PLEKHA5: variants seen among roughly 807,000 people sequenced by gnomAD.
The protein encoded by PLEKHA5 is pleckstrin homology domain containing A5.
PLEKHA5 carries 55 observed loss-of-function variants against 181.9 expected under a neutral mutation model. The observed-to-expected ratio is 0.30, with a 90% CI of 0.24 to 0.38. The LOEUF (loss-of-function observed/expected upper bound fraction) is 0.38. Among genes scored for constraint, PLEKHA5 ranks in the 10% least tolerant of loss-of-function variants. The pLI, the probability that PLEKHA5 is intolerant of heterozygous loss-of-function variation, is 1.00. For missense variants in PLEKHA5, 1,432 were observed against 1,549.5 expected, an observed-to-expected ratio of 0.92 and a Z score of 1.27; for synonymous variants, 535 against 529.4, an observed-to-expected ratio of 1.01 and a Z score of -0.15.
chr12:19,373,721 CAT>C (rs2095643851), intron 31 of PLEKHA5: 7 of 150,704 alleles, frequency 4.6e-5, no homozygotes, highest in Admixed American at 4.6e-4. Flanking sequence ...TAACACAAAA[CAT>C]AGGAAAAATA....
intron 10 of PLEKHA5, 90 bp from the exon 11 acceptor site, chr12:19,274,426 C>G (rs913641861): frequency 2.9e-5 from 25 of 874,054 alleles, no homozygotes; most frequent in Non-Finnish European, 4.0e-5. Flanking sequence ...CCCCCACCCC[C>G]GTAAAGTATA....
At chr12:19,131,894 A>G (rs2033993327) in intron 2 of PLEKHA5, among the ~76,000 whole-genome samples, 1 of 152,236 alleles carries the variant, frequency 6.6e-6, no homozygotes. Flanking sequence ...ACACGGAAGT[A>G]TTCGGTGTCA....
At chr12:19,234,017 A>G (rs1036003482) in intron 3 of PLEKHA5, among the ~76,000 whole-genome samples, 5 of 152,226 alleles carry the variant, frequency 3.3e-5, no homozygotes, top group African/African-American at 1.2e-4. Context: ...ACATTTGGGG[A>G]AAACTGGGCA....
intron 20 of PLEKHA5, among the ~76,000 whole-genome samples, chr12:19,324,435 T>C (rs2091626548): frequency 6.6e-6 from 1 of 152,212 alleles, no homozygotes; most frequent in South Asian, 2.1e-4. Context: ...TAAGAAACTA[T>C]GTCTCATTCA....
chr12:19,319,870 A>C (rs1382192938), intron 16 of PLEKHA5, 151 bp from the exon 17 acceptor site: 1 of 497,968 alleles, frequency 2.0e-6, no homozygotes, highest in African/African-American at 2.0e-5. Context: ...TCCTTACAAT[A>C]TAGTAACATA....
intron 3 of PLEKHA5, among the ~76,000 whole-genome samples, chr12:19,167,436 C>CTTTTTTTTTTTTTTTTTTTTTTTTTTTTT (rs1555230969): frequency 7.0e-4 from 34 of 48,586 alleles, no homozygotes; most frequent in Admixed American, 9.5e-4. Context: ...TTTTTTTTTG[C>CTTTTTTTTTTTTTTTTTTTTTTTTTTTTT]TTTGGAAGCA....
intron 3 of PLEKHA5, among the ~76,000 whole-genome samples, chr12:19,140,450 G>A (rs2036925452): frequency 6.6e-6 from 1 of 152,116 alleles, no homozygotes; most frequent in South Asian, 2.1e-4. Context: ...AGCCACTGGG[G>A]GAACATCTTG....
chr12:19,354,260 T>C (rs2094788874), intron 26 of PLEKHA5, among the ~76,000 whole-genome samples: 1 of 137,948 alleles, frequency 7.2e-6, no homozygotes, highest in South Asian at 2.5e-4. Flanking sequence ...CACGCCATTC[T>C]CCTGCCTTAG....
intron 20 of PLEKHA5, among the ~76,000 whole-genome samples, chr12:19,330,063 A>T (rs1487997162): frequency 6.6e-6 from 1 of 152,204 alleles, no homozygotes; most frequent in African/African-American, 2.4e-5. Flanking sequence ...AAAACAAAAC[A>T]AAAGAAAATC....
chr12:19,279,868 C>G (rs1470300927), intron 11 of PLEKHA5, among the ~76,000 whole-genome samples: 1 of 151,654 alleles, frequency 6.6e-6, no homozygotes, highest in African/African-American at 2.4e-5. Context: ...CACTATATCC[C>G]CTCTGGATGC....
intron 26 of PLEKHA5, among the ~76,000 whole-genome samples, chr12:19,354,206 C>A (rs71463036): frequency 2.8e-3 from 313 of 111,698 alleles, no homozygotes; most frequent in African/African-American, 0.01. Flanking sequence ...GGCTGGAGTG[C>A]TGTGGCGCGA....
intron 7 of PLEKHA5, among the ~76,000 whole-genome samples, chr12:19,263,048 A>G (rs79231489): frequency 2.6e-5 from 4 of 152,232 alleles, no homozygotes; most frequent in Admixed American, 6.5e-5. Context: ...CTCATTTCAG[A>G]TGACTGCTCT....
chr12:19,272,972 T>C (rs1182123247), intron 10 of PLEKHA5, among the ~76,000 whole-genome samples: 2 of 152,162 alleles, frequency 1.3e-5, no homozygotes, highest in African/African-American at 4.8e-5. Context: ...AGTGGCACGA[T>C]CTCAGCTCAC....
intron 15 of PLEKHA5, among the ~76,000 whole-genome samples, chr12:19,292,753 A>C (rs933336234): frequency 1.3e-5 from 2 of 152,188 alleles, no homozygotes; most frequent in African/African-American, 4.8e-5. Context: ...AGCCCAGCCA[A>C]CGTGGCGAAA....
chr12:19,195,084 C>G (rs2052324032), intron 3 of PLEKHA5, among the ~76,000 whole-genome samples: 1 of 152,046 alleles, frequency 6.6e-6, no homozygotes, highest in Non-Finnish European at 1.5e-5. Context: ...GAGAAATAGT[C>G]TTACCGTAGT....
At chr12:19,336,948 T>G (rs193156028) in intron 21 of PLEKHA5, among the ~76,000 whole-genome samples, 18 of 152,030 alleles carry the variant, frequency 1.2e-4, no homozygotes, top group Non-Finnish European at 1.5e-5. Context: ...TTGAATTATA[T>G]GGATTTATCA....
intron 15 of PLEKHA5, among the ~76,000 whole-genome samples, chr12:19,304,303 G>C (rs945714247): frequency 6.6e-6 from 1 of 152,168 alleles, no homozygotes; most frequent in African/African-American, 2.4e-5. Flanking sequence ...TACTCACGAG[G>C]CTGAGGCAAG....
intron 22 of PLEKHA5, among the ~76,000 whole-genome samples, chr12:19,344,066 A>C (rs78046602): frequency 6.9e-6 from 1 of 145,026 alleles, no homozygotes; most frequent in South Asian, 2.2e-4. Flanking sequence ...AAAAAAAAAA[A>C]TTTTCTCAGC....
chr12:19,328,190 C>T (rs563726721), intron 20 of PLEKHA5, among the ~76,000 whole-genome samples: 3 of 152,204 alleles, frequency 2.0e-5, no homozygotes, highest in South Asian at 2.1e-4. Context: ...CCTTGGTCTG[C>T]GTCTGTTTTT....
Sources: gnomAD v4.1 joint callset for allele counts (sites outside exome capture counted in the v4.1 genomes callset) on GRCh38, gnomAD v4.1.1 for gene constraint, MANE v1.5 for transcripts, NCBI Gene and HGNC (gene_info 2026-07-23, HGNC 2026-07-21) for gene names.